CRPPA: variants seen among roughly 807,000 people sequenced by gnomAD.
The protein encoded by CRPPA is CDP-L-ribitol pyrophosphorylase A, also known as D-ribitol-5-phosphate cytidylyltransferase.
A neutral mutation model predicts 52.0 loss-of-function variants in CRPPA; 43 were observed. The observed-to-expected ratio is 0.83, with a 90% CI of 0.65 to 1.07. The LOEUF (loss-of-function observed/expected upper bound fraction) is 1.07, where lower values mean the gene tolerates loss of function less well. Ranked by LOEUF, CRPPA falls within the 50% of genes least tolerant of loss-of-function variation. The pLI is 0.00. For synonymous variants in CRPPA, 250 were observed against 203.5 expected (o/e 1.23, Z -1.94); for missense variants, 629 against 551.7 (o/e 1.14, Z -1.40).
At chr7:16,195,327 AG>A (rs1407953628) in intron 9 of CRPPA, among the ~76,000 whole-genome samples, 3 of 152,082 alleles carry the variant, frequency 2.0e-5, no homozygotes, top group Non-Finnish European at 2.9e-5. Context: ...TTTTTTAAAA[AG>A]GGTTGATATT....
At position 16,297,665 on chromosome 7, in the gene CRPPA, T is replaced by C. The variant is rs548203976; in HGVS notation, c.835+3756A>G. On this transcript the variant is annotated intron_variant, in intron 5 of 9. Coordinates refer to ENST00000407010, the MANE Select transcript of CRPPA (RefSeq NM_001101426.4). ...AAACCATAATAAACAATTGTTTTTA[T>C]ATAAATTTGCAGGCAAAATCAGTCC... is the stretch of plus-strand genomic sequence containing the variant. Among the ~76,000 whole-genome samples, 8 of 152,368 alleles carry C rather than the reference T, an allele frequency of 5.3e-5. No individual in the cohort carries two copies. The South Asian group carries it at 1.4e-3, about 28-fold the overall frequency.
chr7:16,176,854 G>A (rs188728088), intron 9 of CRPPA, among the ~76,000 whole-genome samples: 28 of 152,060 alleles, frequency 1.8e-4, no homozygotes, highest in Non-Finnish European at 3.4e-4. Context: ...ATTTAATAAC[G>A]GAACATGAAT....
At chr7:16,122,867 C>A (rs1056445473) in intron 9 of CRPPA, among the ~76,000 whole-genome samples, 1 of 151,996 alleles carries the variant, frequency 6.6e-6, no homozygotes, top group Admixed American at 6.6e-5. Context: ...TACTAATTTA[C>A]AATAATTATT....
intron 9 of CRPPA, among the ~76,000 whole-genome samples, chr7:16,153,535 T>A (rs1460726311): frequency 6.6e-6 from 1 of 152,166 alleles, no homozygotes; most frequent in Non-Finnish European, 1.5e-5. Context: ...ACTTTCAGAA[T>A]GTATTTACTG....
chr7:16,145,310 T>A (rs1460713013), intron 9 of CRPPA, among the ~76,000 whole-genome samples: 1 of 152,130 alleles, frequency 6.6e-6, no homozygotes, highest in Non-Finnish European at 1.5e-5. Flanking sequence ...CCCCACTCCA[T>A]CTCACCCAAG....
At chr7:16,101,346 A>G (rs1289592607) in intron 9 of CRPPA, among the ~76,000 whole-genome samples, 3 of 152,124 alleles carry the variant, frequency 2.0e-5, no homozygotes, top group Admixed American at 6.6e-5. Context: ...CTACTCAGTG[A>G]TTCAACTACT....
chr7:16,368,801 C>A (rs909667148), intron 3 of CRPPA, among the ~76,000 whole-genome samples: 5 of 152,080 alleles, frequency 3.3e-5, no homozygotes, highest in Non-Finnish European at 4.4e-5. Flanking sequence ...CTGCAAATCA[C>A]CAACCTTACA....
chr7:16,301,117 C>A (rs1297496729), intron 5 of CRPPA, among the ~76,000 whole-genome samples: 1 of 152,130 alleles, frequency 6.6e-6, no homozygotes, highest in African/African-American at 2.4e-5. Context: ...GAGGTGAGAC[C>A]TTTACAAAAT....
chr7:16,355,615 A>T (rs529478336), intron 3 of CRPPA, among the ~76,000 whole-genome samples: 71 of 152,348 alleles, frequency 4.7e-4, no homozygotes, highest in African/African-American at 1.5e-3. Context: ...AGTTACAGGT[A>T]TGGAAGTAGT....
intron 4 of CRPPA, among the ~76,000 whole-genome samples, chr7:16,301,785 C>G (rs769987646): frequency 2.5e-4 from 38 of 151,888 alleles, no homozygotes; most frequent in Admixed American, 2.0e-4. Context: ...TGCATAAAAA[C>G]GAGGTTTTAT....
At chr7:16,376,930 C>A (rs1391362373) in intron 2 of CRPPA, among the ~76,000 whole-genome samples, 28 of 152,106 alleles carry the variant, frequency 1.8e-4, no homozygotes, top group Admixed American at 1.8e-3. Flanking sequence ...TTTTGAAGGC[C>A]ATTACCAGAA....
intron 9 of CRPPA, among the ~76,000 whole-genome samples, chr7:16,140,519 A>G (rs1266075493): frequency 6.6e-6 from 1 of 152,208 alleles, no homozygotes; most frequent in Non-Finnish European, 1.5e-5. Flanking sequence ...CATACAAATT[A>G]TTACACAGAC....
chr7:16,297,632 A>T (rs1283061777), intron 5 of CRPPA, among the ~76,000 whole-genome samples: 1 of 152,272 alleles, frequency 6.6e-6, no homozygotes, highest in Non-Finnish European at 1.5e-5. Context: ...AAATCCAAAA[A>T]GTTCTTAAAA....
chr7:16,344,156 G>A (rs1179982212), intron 3 of CRPPA, among the ~76,000 whole-genome samples: 2 of 151,984 alleles, frequency 1.3e-5, no homozygotes, highest in Admixed American at 1.3e-4. Flanking sequence ...GAAAATGTTC[G>A]GTTTTTAACA....
intron 3 of CRPPA, among the ~76,000 whole-genome samples, chr7:16,332,678 A>C (rs1785581143): frequency 6.6e-6 from 1 of 152,160 alleles, no homozygotes; most frequent in Non-Finnish European, 1.5e-5. Context: ...AGAAAACACA[A>C]GTCACAAAAT....
intron 2 of CRPPA, among the ~76,000 whole-genome samples, chr7:16,377,269 G>C (rs1055275980): frequency 6.6e-6 from 1 of 152,120 alleles, no homozygotes; most frequent in Non-Finnish European, 1.5e-5. Context: ...AAACAAAAAT[G>C]AGGACACAGG....
chr7:16,344,534 G>C (rs1162715923), intron 3 of CRPPA, among the ~76,000 whole-genome samples: 1 of 151,438 alleles, frequency 6.6e-6, no homozygotes, highest in East Asian at 1.9e-4. Context: ...CTGAGCAACA[G>C]AGACCTTGTC....
chr7:16,342,868 G>GATATACATATATAGATATATAAAT (rs1785911536), intron 3 of CRPPA, among the ~76,000 whole-genome samples: 1 of 80,530 alleles, frequency 1.2e-5, no homozygotes, highest in African/African-American at 4.0e-5. Flanking sequence ...GATATATAGA[G>GATATACATATATAGATATATAAAT]ATATATATAC....
intron 8 of CRPPA, among the ~76,000 whole-genome samples, chr7:16,256,664 C>A (rs528226233): frequency 2.0e-4 from 31 of 152,118 alleles, no homozygotes; most frequent in Non-Finnish European, 4.1e-4. Flanking sequence ...AACACAAGAA[C>A]AGAAAACCAA....
Sources: gnomAD v4.1 joint callset for allele counts (sites outside exome capture counted in the v4.1 genomes callset) on GRCh38, gnomAD v4.1.1 for gene constraint, MANE v1.5 for transcripts, NCBI Gene and HGNC (gene_info 2026-07-23, HGNC 2026-07-21) for gene names.